DPYSL2: variants seen among roughly 807,000 people sequenced by gnomAD.
DPYSL2 encodes dihydropyrimidinase-related protein 2.
DPYSL2 carries 13 observed loss-of-function variants against 69.9 expected under a neutral mutation model. The observed-to-expected ratio is 0.19, with a 90% CI of 0.12 to 0.30. The LOEUF is 0.30. Ranked by LOEUF, DPYSL2 falls within the 10% of genes least tolerant of loss-of-function variation. DPYSL2 has a pLI of 1.00. For synonymous variants in DPYSL2, 326 were observed against 359.1 expected (o/e 0.91, Z 1.04); for missense variants, 587 against 918.9 (o/e 0.64, Z 4.67).
chr8:26,546,967 G>T (rs1280657064), intron 1 of DPYSL2, among the ~76,000 whole-genome samples: 1 of 136,184 alleles, frequency 7.3e-6, no homozygotes, highest in African/African-American at 2.8e-5. Flanking sequence ...GAAAAATCCT[G>T]CAGAAACTGA....
intron 1 of DPYSL2, among the ~76,000 whole-genome samples, chr8:26,523,258 G>C (rs1396744723): frequency 6.6e-6 from 1 of 151,942 alleles, no homozygotes; most frequent in African/African-American, 2.4e-5. Context: ...CCAACAAGCT[G>C]AGTTTTAAAC....
At chr8:26,550,903 T>G (rs1403420476) in intron 1 of DPYSL2, among the ~76,000 whole-genome samples, 1 of 152,140 alleles carries the variant, frequency 6.6e-6, no homozygotes, top group East Asian at 1.9e-4. Flanking sequence ...AACTCAGAGT[T>G]CTGACACCCA....
At chr8:26,543,061 T>C (rs913234575) in intron 1 of DPYSL2, among the ~76,000 whole-genome samples, 1 of 152,104 alleles carries the variant, frequency 6.6e-6, no homozygotes, top group Admixed American at 6.5e-5. Context: ...AAGACAAAAA[T>C]GGCAACGCTC....
At chr8:26,559,490 A>G (rs1801040573) in intron 1 of DPYSL2, among the ~76,000 whole-genome samples, 1 of 152,200 alleles carries the variant, frequency 6.6e-6, no homozygotes, top group Non-Finnish European at 1.5e-5. Flanking sequence ...GCCTCCATCT[A>G]TTTAACATCT....
intron 1 of DPYSL2, among the ~76,000 whole-genome samples, chr8:26,518,435 T>C (rs946767893): frequency 2.0e-5 from 3 of 152,224 alleles, no homozygotes; most frequent in African/African-American, 7.2e-5. Flanking sequence ...ACTAATCATA[T>C]AATTAGTTAA....
chr8:26,595,855 C>T (rs1801849287), intron 3 of DPYSL2, among the ~76,000 whole-genome samples: 1 of 152,142 alleles, frequency 6.6e-6, no homozygotes, highest in East Asian at 1.9e-4. Flanking sequence ...CCCAGCAGAA[C>T]TGAAAGCAAA....
chr8:26,596,144 GA>G (rs1328069474), intron 3 of DPYSL2, among the ~76,000 whole-genome samples: 2 of 152,138 alleles, frequency 1.3e-5, no homozygotes, highest in Non-Finnish European at 2.9e-5. Context: ...AGTGAGGGAG[GA>G]CCTAATCTTT....
In DPYSL2 at chr8:26,652,217, A is replaced by G. The variant is rs371412316; in HGVS notation, c.1597-40A>G. ...GCTGCCGGGTGGATTGAGTCCAGCC[A>G]GAGTGGCCTGTTCTAGAGTTTACTT... On this transcript the variant is annotated intron_variant, in intron 11 of 13. Transcript: ENST00000521913. This position sits in a 1 kb window ranked among gnomAD's most constrained non-coding sequence, Gnocchi z 6.3. 332 of 1,572,364 alleles carry G rather than the reference A, an allele frequency of 2.1e-4. 1 individual carries two copies. Among genetic ancestry groups the G allele is most frequent in the Admixed American group, 3.2e-4 (18 of 56,794 alleles).
chr8:26,530,368 T>C (rs1294659189), intron 1 of DPYSL2, among the ~76,000 whole-genome samples: 3 of 152,340 alleles, frequency 2.0e-5, no homozygotes, highest in African/African-American at 7.2e-5. Context: ...AGCAAATGTA[T>C]ATCTTTGACA....
chr8:26,608,076 C>CA (rs11355802), intron 3 of DPYSL2, among the ~76,000 whole-genome samples: 9,594 of 73,536 alleles, frequency 0.13, 476 homozygotes, highest in East Asian at 0.29. Context: ...GACTCCATCT[C>CA]AAAAAAAAAA....
At chr8:26,540,538 A>G (rs1325454325) in intron 1 of DPYSL2, among the ~76,000 whole-genome samples, 2 of 152,202 alleles carry the variant, frequency 1.3e-5, no homozygotes, top group Admixed American at 6.5e-5. Flanking sequence ...AGGATCAACC[A>G]CGGAAGACTA....
chr8:26,543,232 C>G (rs2117625852), intron 1 of DPYSL2, among the ~76,000 whole-genome samples: 1 of 152,286 alleles, frequency 6.6e-6, no homozygotes, highest in South Asian at 2.1e-4. Context: ...AGGTATATTT[C>G]CATTGAATTA....
In DPYSL2 at chr8:26,614,812, T is replaced by G. The variant is rs560330042; in HGVS notation, c.629-9331T>G. On this transcript the variant is annotated intron_variant, in intron 3 of 13. Transcript: ENST00000521913. The surrounding 1 kb of genome is among the most constrained non-coding windows in gnomAD (Gnocchi z 4.9). ...AGGTCCGAGCAGTGAAGAACATGTTTCCATATGCCTGCCACCCTTAGGCTA... is the reference window on the plus strand; with the variant it reads ...AGGTCCGAGCAGTGAAGAACATGTTGCCATATGCCTGCCACCCTTAGGCTA... 6.6e-6 allele frequency among the ~76,000 whole-genome samples: 1 copy of G among 152,348 alleles called. No homozygotes were observed. The highest frequency in any genetic ancestry group is 2.1e-4 in the South Asian group (1 of 4,828).
At chr8:26,574,415 T>C (rs1197605283) in intron 1 of DPYSL2, among the ~76,000 whole-genome samples, 1 of 152,222 alleles carries the variant, frequency 6.6e-6, no homozygotes, top group Non-Finnish European at 1.5e-5. Flanking sequence ...TTCCCACTCA[T>C]GGATCTGCTC....
At chr8:26,651,907 G>A (rs898217534) in intron 11 of DPYSL2, among the ~76,000 whole-genome samples, 4 of 152,200 alleles carry the variant, frequency 2.6e-5, no homozygotes, top group Non-Finnish European at 5.9e-5. Context: ...GAAGGCCTTT[G>A]GAATTCAACC....
chr8:26,578,101 A>G, intron 1 of DPYSL2: 2 of 1,511,690 alleles, frequency 1.3e-6, no homozygotes, highest in Non-Finnish European at 1.8e-6. Context: ...TACGTTCTTG[A>G]AATTTCCTAA....
chr8:26,602,556 A>G (rs1315205586), intron 3 of DPYSL2, among the ~76,000 whole-genome samples: 1 of 152,176 alleles, frequency 6.6e-6, no homozygotes, highest in Admixed American at 6.5e-5. Flanking sequence ...TGGCACCATC[A>G]CAGCCTTTGG....
rs559766370 is a variant in DPYSL2 at position 26,534,967 on chromosome 8, A to G, written c.354+20288A>G. Among the ~76,000 whole-genome samples, 10 of 152,284 alleles carry G rather than the reference A, an allele frequency of 6.6e-5. No homozygotes were observed. In the East Asian group the frequency reaches 1.5e-3, roughly 23 times the overall value. On this transcript the variant is annotated intron_variant, in intron 1 of 13. Coordinates refer to ENST00000521913, the MANE Select transcript of DPYSL2 (RefSeq NM_001197293.3). ...TATTTTATCTAGCTACAGCATTTCT[A>G]TGACTGTTTCCTCATCACTTAAATT... is the stretch of plus-strand genomic sequence containing the variant.
intron 1 of DPYSL2, among the ~76,000 whole-genome samples, chr8:26,529,428 C>T (rs1298490108): frequency 1.3e-5 from 2 of 151,952 alleles, no homozygotes; most frequent in East Asian, 1.9e-4. Context: ...CTCCTGGGCT[C>T]ATGTGATTTT....
Sources: gnomAD v4.1 joint callset for allele counts (sites outside exome capture counted in the v4.1 genomes callset) on GRCh38, gnomAD v4.1.1 for gene constraint, Gnocchi (gnomAD v3.1) non-coding constraint, MANE v1.5 for transcripts, NCBI Gene and HGNC (gene_info 2026-07-23, HGNC 2026-07-21) for gene names.